The following DZANK1 variants were observed in gnomAD, a reference collection of about 807,000 sequenced individuals.
DZANK1 encodes the protein double zinc ribbon and ankyrin repeat domains 1.
DZANK1 carries 91 observed loss-of-function variants against 94.5 expected under a neutral mutation model. That is an observed-to-expected ratio of 0.96 (90% CI 0.81 to 1.15). The LOEUF (loss-of-function observed/expected upper bound fraction) is 1.15. Among genes scored for constraint, DZANK1 ranks in the 50% most tolerant of loss-of-function variants. DZANK1 has a pLI of 0.00. For missense variants in DZANK1, 903 were observed against 916.4 expected (o/e 0.99, Z 0.19); for synonymous variants, 312 against 325.3 (o/e 0.96, Z 0.44).
chr20:18,465,273 T>C (rs1317904013), exon 2 of DZANK1: 3 of 1,603,324 alleles, frequency 1.9e-6, no homozygotes, highest in Non-Finnish European at 2.6e-6. Flanking sequence ...CAAAAGCGTA[T>C]TGTTATCAAT....
chr20:18,406,131 C>T (rs554753960), intron 13 of DZANK1, among the ~76,000 whole-genome samples: 1 of 152,364 alleles, frequency 6.6e-6, no homozygotes, highest in South Asian at 2.1e-4. Flanking sequence ...GACACAAAGA[C>T]TGAAATTCCT....
intron 10 of DZANK1, among the ~76,000 whole-genome samples, chr20:18,421,791 C>A (rs1384722712): frequency 6.6e-6 from 1 of 152,132 alleles, no homozygotes; most frequent in African/African-American, 2.4e-5. Context: ...TTTGCAGGTG[C>A]CTCATCCACC....
At position 18,385,060 on chromosome 20, in the gene DZANK1, AGTTGCTT is replaced by A; in HGVS notation, c.2042_2048del (p.Glu681ValfsTer36). On this transcript the variant is annotated frameshift_variant, in exon 20 of 21. Coordinates refer to ENST00000262547, the Ensembl canonical transcript of DZANK1. LOFTEE classifies it high-confidence loss of function. ...TCTCTCTTCCTGCAAGGCCAAGCAG[AGTTGCTT>A]CATGAAGAGCTGTATTTCTGAGCCT... 1 of 1,553,412 alleles carries A rather than the reference AGTTGCTT, an allele frequency of 6.4e-7. No homozygotes were observed.
intron 13 of DZANK1, among the ~76,000 whole-genome samples, chr20:18,409,940 G>T (rs1200984985): frequency 6.6e-6 from 1 of 150,708 alleles, no homozygotes; most frequent in African/African-American, 2.4e-5. Context: ...GGCTGAGGCA[G>T]GAGAATCGCT....
rs759515196 is a variant in DZANK1, at chr20:18,414,338, G to A, written c.1242+10C>T. On this transcript the variant is annotated intron_variant, in intron 12 of 20. Coordinates refer to ENST00000262547, the Ensembl canonical transcript of DZANK1. ...CTGGGTACCAGTTCTTACTACAGGG[G>A]AGGCCTCACCTCAGAAAAAGGGCGA... 3 of 1,613,484 alleles carry A rather than the reference G, an allele frequency of 1.9e-6. No individual in the cohort carries two copies. Among genetic ancestry groups the A allele is most frequent in the South Asian group, 2.2e-5 (2 of 91,060 alleles).
At chr20:18,433,763 C>A in exon 9 of DZANK1, 1 of 1,613,542 alleles carries the variant, frequency 6.2e-7, no homozygotes, top group South Asian at 1.1e-5. Context: ...CACACAAGCC[C>A]ATCTGCACAA....
intron 8 of DZANK1, among the ~76,000 whole-genome samples, chr20:18,440,873 A>G (rs1439564221): frequency 2.6e-5 from 4 of 152,228 alleles, no homozygotes; most frequent in Non-Finnish European, 5.9e-5. Flanking sequence ...TTAATGGCCT[A>G]ACTTTCAAAT....
chr20:18,448,595 G>A (rs1206479887), intron 7 of DZANK1, among the ~76,000 whole-genome samples: 1 of 152,172 alleles, frequency 6.6e-6, no homozygotes, highest in African/African-American at 2.4e-5. Context: ...GGGGCCGGGT[G>A]TGGTGGCTCA....
At chr20:18,409,733 A>G (rs1303999054) in intron 13 of DZANK1, among the ~76,000 whole-genome samples, 1 of 152,216 alleles carries the variant, frequency 6.6e-6, no homozygotes, top group Non-Finnish European at 1.5e-5. Context: ...AGTTTGGCCT[A>G]TAACATATAG....
chr20:18,389,808 A>G (rs2055856026), exon 19 of DZANK1: 1 of 1,613,898 alleles, frequency 6.2e-7, no homozygotes, highest in African/African-American at 1.3e-5. Context: ...TGTCTTCATC[A>G]CAGCAGTTGG....
intron 17 of DZANK1, among the ~76,000 whole-genome samples, chr20:18,391,147 T>C (rs2055955733): frequency 6.6e-6 from 1 of 152,272 alleles, no homozygotes; most frequent in Admixed American, 6.5e-5. Flanking sequence ...GCGGAGATCA[T>C]ACAACTACAC....
intron 10 of DZANK1, among the ~76,000 whole-genome samples, chr20:18,426,527 G>C (rs2058051582): frequency 6.6e-6 from 1 of 152,158 alleles, no homozygotes; most frequent in African/African-American, 2.4e-5. Flanking sequence ...GAGTCACCTG[G>C]AAGTAATTTT....
intron 19 of DZANK1, 136 bp downstream of exon 19, chr20:18,389,565 A>T (rs1038224193): frequency 7.8e-7 from 1 of 1,290,142 alleles, no homozygotes; most frequent in African/African-American, 1.5e-5. Context: ...GCCTCTTATT[A>T]AAGCTGAAAT....
chr20:18,411,529 G>T (rs2057256268), intron 13 of DZANK1, among the ~76,000 whole-genome samples: 3 of 151,926 alleles, frequency 2.0e-5, no homozygotes, highest in African/African-American at 7.2e-5. Context: ...AGCTTCACAG[G>T]TAATTTACCA....
chr20:18,458,036 G>A (rs1171763015), intron 3 of DZANK1, among the ~76,000 whole-genome samples: 2 of 152,158 alleles, frequency 1.3e-5, no homozygotes, highest in East Asian at 3.8e-4. Context: ...ACCGCAGCCA[G>A]TGTTTCTATT....
intron 10 of DZANK1, chr20:18,421,592 A>C (rs1242780855): frequency 6.6e-6 from 1 of 152,218 alleles, no homozygotes; most frequent in Non-Finnish European, 1.5e-5. Flanking sequence ...GAAATGAAGA[A>C]TGCCGCATTT....
At chr20:18,384,216 C>T (rs749117039) in exon 21 of DZANK1, 93 of 537,528 alleles carry the variant, frequency 1.7e-4, no homozygotes, top group Non-Finnish European at 2.4e-4. Context: ...TGCACCACTA[C>T]GCCCGACTAA....
At chr20:18,384,978 G>T in intron 20 of DZANK1, 38 bp downstream of exon 20, 1 of 1,528,036 alleles carries the variant, frequency 6.5e-7, no homozygotes, top group Non-Finnish European at 8.9e-7. Flanking sequence ...AGATCCCTGT[G>T]GCCCTCAAAA....
At chr20:18,463,954 CTTATG>C (rs537267777) in intron 2 of DZANK1, among the ~76,000 whole-genome samples, 13 of 151,782 alleles carry the variant, frequency 8.6e-5, no homozygotes, top group Non-Finnish European at 1.5e-4. Flanking sequence ...ACTTTCCTTC[CTTATG>C]TTAATTATAT....
Sources: gnomAD v4.1 joint callset for allele counts (sites outside exome capture counted in the v4.1 genomes callset) on GRCh38, gnomAD v4.1.1 for gene constraint, MANE v1.5 for transcripts, NCBI Gene and HGNC (gene_info 2026-07-23, HGNC 2026-07-21) for gene names.